Variants in PHEX observed in about 807,000 individuals in gnomAD.
PHEX encodes the protein phosphate-regulating neutral endopeptidase PHEX.
PHEX carries 16 observed loss-of-function variants against 68.0 expected under a neutral mutation model. The ratio of observed to expected loss-of-function variants is 0.24; its 90% CI spans 0.16 to 0.36. The LOEUF (loss-of-function observed/expected upper bound fraction) is 0.36, where lower values mean the gene tolerates loss of function less well. PHEX is among the 10% of genes least tolerant of loss of function. The pLI is 1.00. For missense variants in PHEX, 480 were observed against 575.5 expected (o/e 0.83, Z 1.70); for synonymous variants, 208 against 205.1 (o/e 1.01, Z -0.12).
intron 20 of PHEX, among the ~76,000 whole-genome samples, chrX:22,230,950 C>T: frequency 9.0e-6 from 1 of 111,686 alleles, no homozygotes; most frequent in Admixed American, 9.5e-5. Flanking sequence ...GAGATACGTG[C>T]CATCAATACC....
chrX:22,038,778 G>C (rs1459300419), intron 2 of PHEX, among the ~76,000 whole-genome samples: 1 of 111,734 alleles, frequency 8.9e-6, no homozygotes, highest in East Asian at 2.8e-4. Context: ...AAGGAAATCA[G>C]GAAGGGGCTT....
rs147620679 is a variant in PHEX at position 22,056,865 on chromosome X, A to G, written c.349+9654A>G. 3.1e-3 allele frequency among the ~76,000 whole-genome samples: 345 copies of G among 109,554 alleles called. 2 individuals are homozygous for G. Among genetic ancestry groups the G allele is most frequent in the African/African-American group, 0.01 (312 of 30,249 alleles). ...GCATCTTATGAGTGTTCCCATAGGTATTGTAATCAATACTCTAGAACTGTC... is the reference window on the plus strand; with the variant it reads ...GCATCTTATGAGTGTTCCCATAGGTGTTGTAATCAATACTCTAGAACTGTC... On this transcript the variant is annotated intron_variant, in intron 3 of 21. Coordinates refer to ENST00000379374, the MANE Select transcript of PHEX (RefSeq NM_000444.6).
intron 3 of PHEX, among the ~76,000 whole-genome samples, chrX:22,052,135 C>T (rs1404261233): frequency 8.9e-6 from 1 of 112,230 alleles, no homozygotes; most frequent in Admixed American, 9.5e-5. Context: ...CATACTTCAC[C>T]ACCCAGCAAT....
chrX:22,048,493 C>T (rs1252171941), intron 3 of PHEX, among the ~76,000 whole-genome samples: 1 of 111,547 alleles, frequency 9.0e-6, no homozygotes, highest in Non-Finnish European at 1.9e-5. Context: ...CACACACACA[C>T]ACGCGCGCAC....
intron 19 of PHEX, 42 bp from the exon 20 acceptor site, chrX:22,227,465 C>G: frequency 1.0e-6 from 1 of 954,734 alleles, no homozygotes; most frequent in South Asian, 1.9e-5. Context: ...AAGAGAAAAA[C>G]CCACCGTTGC....
chrX:22,063,097 G>A (rs1284242712), intron 3 of PHEX, among the ~76,000 whole-genome samples: 1 of 110,845 alleles, frequency 9.0e-6, no homozygotes, highest in Admixed American at 9.6e-5. Context: ...CTCCCGACCA[G>A]GCAGTGCCCA....
chrX:22,083,333 C>T (rs1457815572), intron 5 of PHEX, among the ~76,000 whole-genome samples: 2 of 111,900 alleles, frequency 1.8e-5, no homozygotes, highest in South Asian at 3.7e-4. Flanking sequence ...TGCCCAGGAT[C>T]GCTTTGGCTA....
chrX:22,086,080 C>T (rs1929615252), intron 5 of PHEX, among the ~76,000 whole-genome samples: 1 of 111,808 alleles, frequency 8.9e-6, no homozygotes, highest in African/African-American at 3.3e-5. Context: ...CTTAAGCCTA[C>T]GTTTGCTTTG....
intron 20 of PHEX, among the ~76,000 whole-genome samples, chrX:22,238,535 T>C (rs562894607): frequency 1.8e-5 from 2 of 111,794 alleles, no homozygotes; most frequent in African/African-American, 6.5e-5. Context: ...TTGTCACTGC[T>C]AGCACAGCAG....
chrX:22,232,860 A>G (rs917890248), intron 20 of PHEX, among the ~76,000 whole-genome samples: 19 of 108,989 alleles, frequency 1.7e-4, no homozygotes, highest in African/African-American at 6.0e-4. Context: ...TGGATATTTT[A>G]CCCATTAGTT....
chrX:22,032,462 AAT>A lies in PHEX; in HGVS notation c.-541_-540del, dbSNP rs1418230434. 1 of 120,260 alleles carries A rather than the reference AAT, an allele frequency of 8.3e-6. No homozygotes were observed. Among genetic ancestry groups the A allele is most frequent in the African/African-American group, 3.3e-5 (1 of 30,641 alleles). 9.9% of individuals were successfully genotyped at this position (120,260 alleles called of 1,213,427 possible). A position where few individuals can be genotyped will look rare whatever the true frequency, so the allele number is the denominator to read the frequency against. ...TAAAAAGGGACTCACACACTGAAAG[AAT>A]ATCTTTGATGAAGACAATTCAGGCA... is the stretch of plus-strand genomic sequence containing the variant. On this transcript the variant is annotated 5_prime_UTR_variant, in exon 1 of 22. Coordinates refer to ENST00000379374, the MANE Select transcript of PHEX (RefSeq NM_000444.6).
At chrX:22,123,833 CTTT>C (rs755194382) in intron 11 of PHEX, among the ~76,000 whole-genome samples, 4 of 83,063 alleles carry the variant, frequency 4.8e-5, no homozygotes, top group Non-Finnish European at 2.1e-5. Flanking sequence ...ATTTCTTTTT[CTTT>C]TTTTTTTTTT....
intron 10 of PHEX, 33 bp from the exon 11 acceptor site, chrX:22,114,425 T>C: frequency 8.4e-7 from 1 of 1,196,074 alleles, no homozygotes; most frequent in South Asian, 1.8e-5. Flanking sequence ...TTTATCCAAA[T>C]GAAGTTTAAT....
At chrX:22,185,736 C>A (rs1934007953) in intron 14 of PHEX, among the ~76,000 whole-genome samples, 1 of 98,449 alleles carries the variant, frequency 1.0e-5, no homozygotes, top group Non-Finnish European at 2.0e-5. Flanking sequence ...CTAGGCTCAG[C>A]TGCATGGTTC....
chrX:22,123,970 C>T (rs913414439), intron 11 of PHEX, among the ~76,000 whole-genome samples: 2 of 108,952 alleles, frequency 1.8e-5, no homozygotes, highest in African/African-American at 6.7e-5. Context: ...TAGCTGGGAC[C>T]ACAGGTGCAT....
At chrX:22,207,680 C>A (rs1934754584) in intron 15 of PHEX, among the ~76,000 whole-genome samples, 1 of 110,996 alleles carries the variant, frequency 9.0e-6, no homozygotes, top group Admixed American at 9.6e-5. Flanking sequence ...ACTCTATTAA[C>A]TAAATTTACC....
At chrX:22,090,876 A>G (rs960545600) in intron 6 of PHEX, among the ~76,000 whole-genome samples, 2 of 112,055 alleles carry the variant, frequency 1.8e-5, no homozygotes, top group African/African-American at 6.5e-5. Context: ...CTGCTTTAGA[A>G]TCACTTGGGA....
intron 11 of PHEX, among the ~76,000 whole-genome samples, chrX:22,125,946 A>G (rs1931699563): frequency 9.0e-6 from 1 of 110,585 alleles, no homozygotes; most frequent in South Asian, 3.7e-4. Flanking sequence ...AATAACTGTT[A>G]TCTGTTAGCA....
At chrX:22,137,679 A>G (rs1166510837) in intron 12 of PHEX, among the ~76,000 whole-genome samples, 1 of 110,894 alleles carries the variant, frequency 9.0e-6, no homozygotes, top group Non-Finnish European at 1.9e-5. Context: ...TAGAGATGCA[A>G]ATTTTCACAT....
Sources: allele counts gnomAD v4.1 joint callset (sites outside exome capture counted in the v4.1 genomes callset), GRCh38; gene constraint gnomAD v4.1.1; transcripts MANE v1.5; gene names NCBI Gene and HGNC (gene_info 2026-07-23, HGNC 2026-07-21).